The following MPP7 variants were observed in gnomAD, a reference collection of about 807,000 sequenced individuals.
MPP7 encodes the protein MAGUK p55 scaffold protein 7.
In MPP7, 60 loss-of-function variants were observed where a neutral mutation model predicts 76.5. The observed-to-expected ratio is 0.78, with a 90% CI of 0.64 to 0.97. The LOEUF is 0.97. MPP7 is among the 50% of genes least tolerant of loss of function. The probability of loss-of-function intolerance (pLI) is 0.00; values close to 1 mark genes in which losing one functional copy is unlikely to be tolerated. For synonymous variants in MPP7, 237 were observed against 244.5 expected (o/e 0.97, Z 0.29); for missense variants, 641 against 694.0 (o/e 0.92, Z 0.86).
At chr10:28,288,671 G>A (rs754252635) in intron 1 of MPP7, among the ~76,000 whole-genome samples, 6 of 152,204 alleles carry the variant, frequency 3.9e-5, no homozygotes, top group East Asian at 1.9e-4. Context: ...TGTTAAGAGC[G>A]TGAAGCGGTA....
At chr10:28,103,364 C>T (rs1412920734) in intron 11 of MPP7, among the ~76,000 whole-genome samples, 2 of 150,346 alleles carry the variant, frequency 1.3e-5, no homozygotes, top group Non-Finnish European at 3.0e-5. Flanking sequence ...TGTCTTGGGG[C>T]CTTTGCACAT....
In MPP7 at chr10:28,120,161, G is replaced by C. The variant is rs368039375; in HGVS notation, c.887+33C>G. ...TTTGCAGAGAACAAAAGGTCAGCTG[G>C]AGAAAAGCCATTATTATGTACCAGC... On this transcript the variant is annotated intron_variant, in intron 10 of 16. Coordinates refer to ENST00000683449, the MANE Select transcript of MPP7 (RefSeq NM_001318170.2). 243 of 1,593,528 alleles carry C rather than the reference G, an allele frequency of 1.5e-4. 2 individuals are homozygous for C. The African/African-American group carries it at 3.0e-3, about 20-fold the overall frequency.
intron 5 of MPP7, among the ~76,000 whole-genome samples, chr10:28,137,099 A>C (rs1835375003): frequency 1.3e-5 from 2 of 152,028 alleles, no homozygotes; most frequent in African/African-American, 2.4e-5. Flanking sequence ...TAAAAAACAC[A>C]TTATATATAA....
intron 1 of MPP7, among the ~76,000 whole-genome samples, chr10:28,264,154 C>T (rs1589002172): frequency 6.6e-6 from 1 of 152,120 alleles, no homozygotes; most frequent in Non-Finnish European, 1.5e-5. Context: ...TGAAAATTAA[C>T]CAGGCAGGAT....
In MPP7 at chr10:28,071,253, C is replaced by A. The variant is rs77098677; in HGVS notation, c.1124-1401G>T. Among the ~76,000 whole-genome samples the A allele has an allele frequency of 7.9e-3, 1,197 of 152,214 alleles. 49 individuals are homozygous for A. In the East Asian group the frequency reaches 0.12, roughly 15 times the overall value. On this transcript the variant is annotated intron_variant, in intron 12 of 16. Transcript: ENST00000683449. Reference sequence around the variant, plus strand: ...GCTTTGAAAGAATAAGGTTTTACACCATACAATGGAGAACATGCAGGTGTA... The same window carrying A: ...GCTTTGAAAGAATAAGGTTTTACACAATACAATGGAGAACATGCAGGTGTA...
intron 3 of MPP7, among the ~76,000 whole-genome samples, chr10:28,170,654 T>C (rs368818325): frequency 1.3e-4 from 19 of 151,556 alleles, no homozygotes; most frequent in East Asian, 5.8e-4. Context: ...ACTTTCTTGT[T>C]CTTCAGATAA....
chr10:28,139,898 C>G (rs1835458561), intron 5 of MPP7, among the ~76,000 whole-genome samples: 1 of 151,982 alleles, frequency 6.6e-6, no homozygotes, highest in African/African-American at 2.4e-5. Flanking sequence ...AACTAGCAAG[C>G]AAACATTTTA....
intron 2 of MPP7, among the ~76,000 whole-genome samples, chr10:28,319,339 AT>A (rs1254754909): frequency 6.6e-6 from 1 of 152,180 alleles, no homozygotes; most frequent in Non-Finnish European, 1.5e-5. Flanking sequence ...ATGAGATTTG[AT>A]TGGGCACACA....
At chr10:28,100,069 C>A (rs1481238313) in intron 11 of MPP7, among the ~76,000 whole-genome samples, 3 of 146,404 alleles carry the variant, frequency 2.0e-5, no homozygotes, top group African/African-American at 7.6e-5. Flanking sequence ...CAATAGGTAC[C>A]TTAACTACAA....
intron 3 of MPP7, among the ~76,000 whole-genome samples, chr10:28,174,357 T>C (rs1410824014): frequency 6.6e-6 from 1 of 152,198 alleles, no homozygotes; most frequent in African/African-American, 2.4e-5. Flanking sequence ...TGCCATTCTC[T>C]AGAGAGTGAG....
chr10:28,240,950 T>C (rs1839247925), intron 1 of MPP7, among the ~76,000 whole-genome samples: 1 of 152,160 alleles, frequency 6.6e-6, no homozygotes, highest in Non-Finnish European at 1.5e-5. Context: ...AGGTATTTAT[T>C]ATATGTGTGT....
intron 5 of MPP7, among the ~76,000 whole-genome samples, chr10:28,146,132 C>T (rs1835695485): frequency 6.6e-6 from 1 of 152,170 alleles, no homozygotes; most frequent in South Asian, 2.1e-4. Flanking sequence ...AGTCTAAGAC[C>T]AAATGAAGAA....
intron 13 of MPP7, among the ~76,000 whole-genome samples, chr10:28,066,675 CTT>C (rs920344628): frequency 3.3e-5 from 5 of 152,334 alleles, no homozygotes; most frequent in South Asian, 2.1e-4. Context: ...AGAATCACCT[CTT>C]GAGTTCCTGT....
At chr10:28,287,351 A>G (rs1223109675) in intron 1 of MPP7, among the ~76,000 whole-genome samples, 1 of 152,208 alleles carries the variant, frequency 6.6e-6, no homozygotes, top group Non-Finnish European at 1.5e-5. Flanking sequence ...ACAAAATAAA[A>G]ATAAAACACA....
intron 3 of MPP7, among the ~76,000 whole-genome samples, chr10:28,153,029 A>C (rs1428757749): frequency 1.3e-5 from 2 of 152,144 alleles, no homozygotes; most frequent in Non-Finnish European, 2.9e-5. Context: ...CAAGGTGGGC[A>C]GATCACTTGA....
chr10:28,059,866 G>C, intron 13 of MPP7, 123 bp from the exon 14 acceptor site: 1 of 662,896 alleles, frequency 1.5e-6, no homozygotes. Flanking sequence ...TATTTAAAAA[G>C]CAAATTAGCT....
At chr10:28,325,975 C>CCA (rs1834409498) in intron 2 of MPP7, among the ~76,000 whole-genome samples, 1 of 96,378 alleles carries the variant, frequency 1.0e-5, no homozygotes, top group African/African-American at 4.0e-5. Context: ...GACCTCATCT[C>CCA]AAAAAAAAAA....
chr10:28,222,516 T>A (rs1368621276), intron 2 of MPP7, among the ~76,000 whole-genome samples: 15 of 151,410 alleles, frequency 9.9e-5, no homozygotes, highest in Non-Finnish European at 1.5e-5. Flanking sequence ...AATAAAAAAA[T>A]TTAAAAAGCA....
At chr10:28,122,659 T>C (rs1167724166) in intron 8 of MPP7, among the ~76,000 whole-genome samples, 1 of 152,220 alleles carries the variant, frequency 6.6e-6, no homozygotes, top group Non-Finnish European at 1.5e-5. Flanking sequence ...CAGACATCTA[T>C]GTTTTCTTTT....
Sources: gnomAD v4.1 joint callset for allele counts (sites outside exome capture counted in the v4.1 genomes callset) on GRCh38, gnomAD v4.1.1 for gene constraint, MANE v1.5 for transcripts, NCBI Gene and HGNC (gene_info 2026-07-23, HGNC 2026-07-21) for gene names.